The following PPIG variants were observed in gnomAD, a reference collection of about 807,000 sequenced individuals.
PPIG encodes peptidylprolyl isomerase G.
PPIG carries 26 observed loss-of-function variants against 87.9 expected under a neutral mutation model. The ratio of observed to expected loss-of-function variants is 0.30; its 90% CI spans 0.22 to 0.41. The LOEUF is 0.41. Among genes scored for constraint, PPIG ranks in the 10% least tolerant of loss-of-function variants. The pLI is 1.00. For synonymous variants in PPIG, 308 were observed against 276.5 expected (o/e 1.11, Z -1.13); for missense variants, 722 against 879.4 (o/e 0.82, Z 2.26).
intron 1 of PPIG, among the ~76,000 whole-genome samples, chr2:169,589,717 T>A (rs1684807308): frequency 6.6e-6 from 1 of 152,136 alleles, no homozygotes; most frequent in African/African-American, 2.4e-5. Flanking sequence ...GGGAATGGGT[T>A]CTGTTTCAGT....
intron 12 of PPIG, among the ~76,000 whole-genome samples, chr2:169,635,698 A>G (rs2105523900): frequency 6.6e-6 from 1 of 152,320 alleles, no homozygotes; most frequent in African/African-American, 2.4e-5. Context: ...TATATATAAC[A>G]TTTAGATTGG....
chr2:169,592,569 G>C (rs1684898919), intron 1 of PPIG, among the ~76,000 whole-genome samples: 1 of 152,046 alleles, frequency 6.6e-6, no homozygotes, highest in Non-Finnish European at 1.5e-5. Flanking sequence ...CTCCCAGAGT[G>C]CTGGGATTAT....
chr2:169,610,762 C>A (rs1164674835), intron 7 of PPIG, among the ~76,000 whole-genome samples: 1 of 152,176 alleles, frequency 6.6e-6, no homozygotes, highest in Non-Finnish European at 1.5e-5. Flanking sequence ...TCACTCTTCA[C>A]TTAACAGTAT....
At chr2:169,593,281 G>A (rs1300811330) in intron 1 of PPIG, among the ~76,000 whole-genome samples, 2 of 151,966 alleles carry the variant, frequency 1.3e-5, no homozygotes, top group Non-Finnish European at 2.9e-5. Flanking sequence ...TGCAACCTCT[G>A]CCTCCTGGGC....
In PPIG at chr2:169,629,120, T is replaced by C. The variant is rs369766263; in HGVS notation, c.548-1654T>C. Among the ~76,000 whole-genome samples the C allele has an allele frequency of 1.1e-4, 17 of 152,248 alleles. No individual in the cohort carries two copies. In the East Asian group the frequency reaches 3.1e-3, roughly 28 times the overall value. ...ATAATCCAAAGATATATTTTCTTTGTTTTCCTTGACTTTTTATTGTGGAAC... is the reference window on the plus strand; with the variant it reads ...ATAATCCAAAGATATATTTTCTTTGCTTTCCTTGACTTTTTATTGTGGAAC... On this transcript the variant is annotated intron_variant, in intron 9 of 13. Transcript: ENST00000260970.
At chr2:169,613,236 A>G (rs1271327966) in intron 7 of PPIG, among the ~76,000 whole-genome samples, 1 of 152,162 alleles carries the variant, frequency 6.6e-6, no homozygotes, top group Non-Finnish European at 1.5e-5. Context: ...AGGTGATTTT[A>G]GTGAGTTGAA....
At chr2:169,590,959 A>G (rs1188683777) in intron 1 of PPIG, among the ~76,000 whole-genome samples, 2 of 152,186 alleles carry the variant, frequency 1.3e-5, no homozygotes, top group African/African-American at 2.4e-5. Context: ...GTGAGCTGTG[A>G]TCTTACCACT....
chr2:169,610,157 A>G (rs1685447713), intron 7 of PPIG, among the ~76,000 whole-genome samples: 1 of 152,130 alleles, frequency 6.6e-6, no homozygotes, highest in South Asian at 2.1e-4. Context: ...TTATTCTGTC[A>G]TTTCCCTATT....
At chr2:169,604,327 GTTTTTTTTT>G (rs71006008) in intron 4 of PPIG, 66 bp downstream of exon 4, 55 of 347,364 alleles carry the variant, frequency 1.6e-4, no homozygotes, top group East Asian at 3.1e-4. Flanking sequence ...TGCTTGCTTG[GTTTTTTTTT>G]TTTTTTTTTT....
chr2:169,599,402 A>C (rs1003758715), intron 1 of PPIG, among the ~76,000 whole-genome samples: 4 of 152,156 alleles, frequency 2.6e-5, no homozygotes, highest in Non-Finnish European at 5.9e-5. Context: ...TAGGCAGTCC[A>C]TCACAAACTA....
chr2:169,604,010 T>C lies in PPIG; in HGVS notation c.-16-16T>C, dbSNP rs1311267075. On this transcript the variant is annotated splice_polypyrimidine_tract_variant and intron_variant, in intron 2 of 13. Coordinates refer to ENST00000260970, the MANE Select transcript of PPIG (RefSeq NM_004792.3). ...CTATTTTAGTCTGCTTGTCTGAAACTGTATTTTACTCACAGATTAAGTATT... is the reference window on the plus strand; with the variant it reads ...CTATTTTAGTCTGCTTGTCTGAAACCGTATTTTACTCACAGATTAAGTATT... 2.5e-6 allele frequency: 4 copies of C among 1,599,258 alleles called. No individual in the cohort carries two copies. Among genetic ancestry groups the C allele is most frequent in the Non-Finnish European group, 3.4e-6 (4 of 1,169,226 alleles).
chr2:169,636,290 T>G, intron 13 of PPIG, 62 bp downstream of exon 13: 4 of 1,510,116 alleles, frequency 2.6e-6, no homozygotes, highest in Non-Finnish European at 2.7e-6. Context: ...CTATTATACA[T>G]AAAGTTATTG....
At chr2:169,628,808 T>C (rs116162396) in intron 9 of PPIG, among the ~76,000 whole-genome samples, 2,388 of 151,924 alleles carry the variant, frequency 0.016, 71 homozygotes, top group African/African-American at 0.054. Flanking sequence ...TAGCAGGGCA[T>C]GGTGGCATAC....
chr2:169,621,734 ATT>A (rs34145095), intron 9 of PPIG, among the ~76,000 whole-genome samples: 2 of 144,654 alleles, frequency 1.4e-5, no homozygotes, highest in African/African-American at 2.5e-5. Flanking sequence ...TTGACAACTA[ATT>A]TTTTTTTTTT....
At chr2:169,585,633 A>G (rs150211918) in intron 1 of PPIG, among the ~76,000 whole-genome samples, 1 of 152,322 alleles carries the variant, frequency 6.6e-6, no homozygotes, top group African/African-American at 2.4e-5. Context: ...TGGAAATGCT[A>G]TAAAAGCACC....
chr2:169,599,384 TA>T (rs1338155582), intron 1 of PPIG, among the ~76,000 whole-genome samples: 1 of 152,198 alleles, frequency 6.6e-6, no homozygotes, highest in Non-Finnish European at 1.5e-5. Flanking sequence ...TTAAAAAGCT[TA>T]TTTTCTTAGG....
chr2:169,631,648 G>GT, intron 10 of PPIG, 118 bp from the exon 11 acceptor site: 1 of 1,501,724 alleles, frequency 6.7e-7, no homozygotes, highest in Non-Finnish European at 8.8e-7. Flanking sequence ...CACATCTTTG[G>GT]TAAGGACAGG....
intron 10 of PPIG, chr2:169,631,554 G>A (rs1224956650): frequency 1.9e-5 from 25 of 1,316,020 alleles, no homozygotes; most frequent in Middle Eastern, 2.8e-4. Flanking sequence ...TTTTGAGAGT[G>A]TGATAATCGA....
chr2:169,634,294 T>C (rs1458592195), intron 12 of PPIG, among the ~76,000 whole-genome samples: 1 of 151,968 alleles, frequency 6.6e-6, no homozygotes, highest in Admixed American at 6.5e-5. Context: ...ACTCCTGAGC[T>C]CAAGCGATCT....
Sources: gnomAD v4.1 joint callset for allele counts (sites outside exome capture counted in the v4.1 genomes callset) on GRCh38, gnomAD v4.1.1 for gene constraint, MANE v1.5 for transcripts, NCBI Gene and HGNC (gene_info 2026-07-23, HGNC 2026-07-21) for gene names.